ADGRV1: variants seen among roughly 807,000 people sequenced by gnomAD.
The protein encoded by ADGRV1 is G-protein coupled receptor 98.
A neutral mutation model predicts 596.2 loss-of-function variants in ADGRV1; 359 were observed. The observed-to-expected ratio is 0.60, with a 90% CI of 0.55 to 0.66. The LOEUF (loss-of-function observed/expected upper bound fraction) is 0.66, where lower values mean the gene tolerates loss of function less well. Among genes scored for constraint, ADGRV1 ranks in the 30% least tolerant of loss-of-function variants. The pLI is 0.00. For synonymous variants in ADGRV1, 2,681 were observed against 2,679.2 expected (o/e 1.00, Z -0.02); for missense variants, 7,274 against 7,575.6 (o/e 0.96, Z 1.48).
Position 90,653,623 on chromosome 5 carries a change from A to C in ADGRV1, c.4049A>C (p.Asn1350Thr). Residue 1350 changes from asparagine to threonine, a missense_variant, in exon 20 of 90, where the codon AAT becomes ACT. Coordinates refer to ENST00000405460, the MANE Select transcript of ADGRV1 (RefSeq NM_032119.4). ...VNPKYHPSRNNTIANFTFSAW... is the reference protein window; with the variant it reads ...VNPKYHPSRNTTIANFTFSAW... ...CCAAAATACCATCCCTCCAGGAATA[A>C]TACAATTGCCAACTTTACATTCTCA... 1 of 1,613,656 alleles carries C rather than the reference A, an allele frequency of 6.2e-7. No individual in the cohort carries two copies. Among genetic ancestry groups the C allele is most frequent in the Non-Finnish European group, 8.5e-7 (1 of 1,179,764 alleles).
intron 84 of ADGRV1, among the ~76,000 whole-genome samples, chr5:90,971,044 A>C (rs987013505): frequency 1.3e-5 from 2 of 152,240 alleles, no homozygotes; most frequent in African/African-American, 4.8e-5. Context: ...TGGCACAAGA[A>C]CTACGTGATG....
intron 86 of ADGRV1, among the ~76,000 whole-genome samples, chr5:91,100,862 C>G (rs1220513386): frequency 6.6e-6 from 1 of 152,108 alleles, no homozygotes; most frequent in East Asian, 1.9e-4. Flanking sequence ...TAAATCTAAT[C>G]ACGAGAAAAA....
rs149000962 is a variant in ADGRV1 at position 91,010,266 on chromosome 5, C to T, written c.18152+24744C>T. Among the ~76,000 whole-genome samples the T allele has an allele frequency of 1.5e-4, 23 of 152,148 alleles. No homozygotes were observed. In the South Asian group the frequency reaches 3.5e-3, roughly 23 times the overall value. On this transcript the variant is annotated intron_variant, in intron 85 of 89. Coordinates refer to ENST00000405460, the MANE Select transcript of ADGRV1 (RefSeq NM_032119.4). The stretch of plus-strand genomic sequence containing the variant: ...ATTTCTGAGAAGCAGTAGTTTCATA[C>T]GCAGTTCCTGGGGTGGATCAAAAGA...
At chr5:90,789,024 G>A (rs1759789497) in intron 68 of ADGRV1, among the ~76,000 whole-genome samples, 1 of 152,144 alleles carries the variant, frequency 6.6e-6, no homozygotes. Context: ...AGTTGAAGTT[G>A]CAGTTTTGTG....
intron 37 of ADGRV1, 64 bp from the exon 38 acceptor site, chr5:90,706,167 A>G (rs1475710059): frequency 3.4e-6 from 5 of 1,462,550 alleles, no homozygotes; most frequent in Admixed American, 4.4e-5. Flanking sequence ...CAAAAAATTC[A>G]CAAGGGGATA....
chr5:90,656,383 ATT>A (rs1477326752), intron 20 of ADGRV1, among the ~76,000 whole-genome samples: 4 of 152,212 alleles, frequency 2.6e-5, no homozygotes, highest in African/African-American at 9.6e-5. Context: ...CTAGGTCAGT[ATT>A]CCTTTTAACA....
chr5:90,807,407 C>G (rs1198448232), intron 72 of ADGRV1, among the ~76,000 whole-genome samples, 195 bp from the exon 73 acceptor site: 1 of 152,148 alleles, frequency 6.6e-6, no homozygotes, highest in Non-Finnish European at 1.5e-5. Context: ...GAAAAGTAAA[C>G]AGGGACCGAA....
chr5:90,621,852 A>G (rs1764119987), intron 4 of ADGRV1, among the ~76,000 whole-genome samples: 1 of 152,160 alleles, frequency 6.6e-6, no homozygotes, highest in African/African-American at 2.4e-5. Context: ...AATAATAGCA[A>G]CATTTACTGT....
In ADGRV1 at chr5:90,676,555, G is replaced by C. The variant is rs116514995; in HGVS notation, c.5443+346G>C. 7.2e-3 allele frequency among the ~76,000 whole-genome samples: 1,094 copies of C among 152,212 alleles called. 15 individuals carry two copies. The highest frequency in any genetic ancestry group is 0.025 in the African/African-American group (1,056 of 41,538). On this transcript the variant is annotated intron_variant, in intron 25 of 89. Transcript: ENST00000405460. ...TGATATGCTTTCGCTATGAGGTTTG[G>C]TTAATTCTGAGTAATATCTCTGTTT...
At chr5:90,971,768 C>A (rs78373195) in intron 84 of ADGRV1, among the ~76,000 whole-genome samples, 1 of 152,106 alleles carries the variant, frequency 6.6e-6, no homozygotes, top group Admixed American at 6.6e-5. Context: ...TAAAGACCAT[C>A]GATGCTAGGA....
intron 67 of ADGRV1, among the ~76,000 whole-genome samples, chr5:90,785,234 C>T (rs1404542891): frequency 2.0e-5 from 3 of 152,174 alleles, no homozygotes; most frequent in Admixed American, 2.0e-4. Context: ...CCCTTCCTTA[C>T]ACCTTAGACA....
At chr5:91,107,797 T>A (rs929459377) in intron 87 of ADGRV1, among the ~76,000 whole-genome samples, 6 of 152,114 alleles carry the variant, frequency 3.9e-5, no homozygotes, top group African/African-American at 1.4e-4. Context: ...ATATAAGCCT[T>A]AGGATTATAA....
intron 82 of ADGRV1, 102 bp downstream of exon 82, chr5:90,856,003 A>G: frequency 1.1e-6 from 1 of 935,106 alleles, no homozygotes; most frequent in Non-Finnish European, 1.6e-6. Flanking sequence ...AACATACCGT[A>G]ATTCATCAGC....
At chr5:90,669,175 T>G (rs776647085) in intron 21 of ADGRV1, among the ~76,000 whole-genome samples, 5 of 152,250 alleles carry the variant, frequency 3.3e-5, no homozygotes, top group Non-Finnish European at 7.3e-5. Flanking sequence ...AGCCATACTC[T>G]TTCCACCACA....
chr5:90,684,226 A>G (rs1745318245), intron 28 of ADGRV1, 31 bp downstream of exon 28: 1 of 1,526,582 alleles, frequency 6.6e-7, no homozygotes, highest in Non-Finnish European at 8.8e-7. Flanking sequence ...TATTATTATT[A>G]TTAGCTCTCA....
At chr5:91,046,117 A>G (rs1287458901) in intron 85 of ADGRV1, among the ~76,000 whole-genome samples, 2 of 152,110 alleles carry the variant, frequency 1.3e-5, no homozygotes, top group Admixed American at 1.3e-4. Context: ...AATTCACCAC[A>G]ATTCCCAACA....
In ADGRV1 at chr5:90,870,083, G is replaced by T. The variant is rs188935725; in HGVS notation, c.17856+6226G>T. 8.5e-5 allele frequency among the ~76,000 whole-genome samples: 13 copies of T among 152,220 alleles called. No homozygotes were observed. In the East Asian group the frequency reaches 2.5e-3, roughly 29 times the overall value. On this transcript the variant is annotated intron_variant, in intron 83 of 89. Transcript: ENST00000405460. The stretch of plus-strand genomic sequence containing the variant: ...GATATGTGCAATTTTGAGCATGAGG[G>T]GTTTAAGGTTTCCATAGCATGGAGA...
intron 83 of ADGRV1, among the ~76,000 whole-genome samples, chr5:90,923,885 G>GT (rs1304630661): frequency 6.6e-6 from 1 of 151,468 alleles, no homozygotes; most frequent in Non-Finnish European, 1.5e-5. Context: ...GCAGTGTTTG[G>GT]TTTTTTGTTC....
chr5:90,781,240 A>G, intron 64 of ADGRV1, 190 bp from the exon 65 acceptor site: 1 of 615,704 alleles, frequency 1.6e-6, no homozygotes, highest in Non-Finnish European at 2.9e-6. Context: ...GGAGCAACAC[A>G]GAAATCTGTT....
Sources: gnomAD v4.1 joint callset for allele counts (sites outside exome capture counted in the v4.1 genomes callset) on GRCh38, gnomAD v4.1.1 for gene constraint, MANE v1.5 for transcripts, NCBI Gene and HGNC (gene_info 2026-07-23, HGNC 2026-07-21) for gene names.